HEG1: variants seen among roughly 807,000 people sequenced by gnomAD.
HEG1 encodes protein HEG homolog 1.
Under a neutral mutation model 125.6 loss-of-function variants are expected in HEG1, and 56 were observed. The ratio of observed to expected loss-of-function variants is 0.45; its 90% CI spans 0.36 to 0.56. HEG1 has a LOEUF of 0.56. Ranked by LOEUF, HEG1 falls within the 20% of genes least tolerant of loss-of-function variation. The pLI is 0.00. For missense variants in HEG1, 1,523 were observed against 1,670.0 expected (o/e 0.91, Z 1.53); for synonymous variants, 644 against 668.5 (o/e 0.96, Z 0.57).
chr3:125,046,398 TACACAC>T (rs10522507), intron 1 of HEG1, among the ~76,000 whole-genome samples: 18,343 of 141,468 alleles, frequency 0.13, 1,257 homozygotes, highest in Non-Finnish European at 0.15. Context: ...TATATACACA[TACACAC>T]ACACACACAC....
Position 125,020,998 on chromosome 3 carries a change from C to T in HEG1, c.1046G>A (p.Ser349Asn), listed in dbSNP as rs2107704091. ...GPRTLRSLTV[S>N]LGPVSKTEGF... is the part of the protein sequence containing the mutation. ...TTCTGTCTTGCTCACAGGTCCCAGA[C>T]TGACCGTCAAAGATCGCAGCGTTCT... is the stretch of plus-strand genomic sequence containing the variant. The change falls in exon 4 of 17, where the codon AGT becomes AAT. Residue 349 changes from serine (S) to asparagine (N), a missense_variant. Physicochemically the swap from Ser to Asn is conservative, Grantham distance 46. Coordinates refer to ENST00000311127, the MANE Select transcript of HEG1 (RefSeq NM_020733.2). The T allele has an allele frequency of 6.2e-7, 1 of 1,613,944 alleles. No homozygotes were observed. The highest frequency in any genetic ancestry group is 8.5e-7 in the Non-Finnish European group (1 of 1,179,880).
chr3:125,009,684 G>A (rs538020061), intron 8 of HEG1, 21 bp downstream of exon 8: 14 of 1,602,044 alleles, frequency 8.7e-6, no homozygotes, highest in Middle Eastern at 1.7e-4. Flanking sequence ...AATAAAGTCC[G>A]AAATAGACTA....
At chr3:124,996,330 C>G (rs35918258) in intron 12 of HEG1, among the ~76,000 whole-genome samples, 1 of 152,000 alleles carries the variant, frequency 6.6e-6, no homozygotes, top group South Asian at 2.1e-4. Context: ...GTGATCTGCC[C>G]GCCTCGGCCT....
chr3:125,053,208 T>C (rs919918278), intron 1 of HEG1, among the ~76,000 whole-genome samples: 5 of 152,212 alleles, frequency 3.3e-5, no homozygotes, highest in African/African-American at 1.2e-4. Flanking sequence ...CTGGAGGACC[T>C]GTGGAGGCCC....
chr3:125,009,876 C>G, intron 7 of HEG1, 52 bp from the exon 8 acceptor site: 1 of 1,560,590 alleles, frequency 6.4e-7, no homozygotes, highest in South Asian at 1.2e-5. Flanking sequence ...AACAGCAAAA[C>G]CATAACCCAG....
chr3:124,973,578 G>A (rs1936483206), intron 16 of HEG1, among the ~76,000 whole-genome samples, 153 bp downstream of exon 16: 1 of 152,174 alleles, frequency 6.6e-6, no homozygotes, highest in Non-Finnish European at 1.5e-5. Flanking sequence ...CATGCAAATA[G>A]ACTGTAGGTA....
intron 16 of HEG1, among the ~76,000 whole-genome samples, chr3:124,972,599 A>G (rs1457484928): frequency 6.6e-6 from 1 of 152,214 alleles, no homozygotes; most frequent in South Asian, 2.1e-4. Flanking sequence ...TTCTGTCACA[A>G]GATTGTCTAA....
intron 15 of HEG1, among the ~76,000 whole-genome samples, chr3:124,975,634 C>T (rs7620483): frequency 1.3e-5 from 2 of 152,012 alleles, no homozygotes; most frequent in Admixed American, 6.6e-5. Flanking sequence ...GTTTCATCAC[C>T]CCAAGAAGAA....
intron 11 of HEG1, among the ~76,000 whole-genome samples, chr3:125,001,270 AAGG>A (rs1936994898): frequency 1.3e-5 from 2 of 151,558 alleles, no homozygotes; most frequent in Admixed American, 1.3e-4. Flanking sequence ...TATCATGATG[AAGG>A]TTTTGGTGGT....
chr3:125,015,127 G>T (rs903195652), intron 5 of HEG1: 2 of 608,106 alleles, frequency 3.3e-6, no homozygotes, highest in Non-Finnish European at 4.7e-6. Context: ...GTACTTTTAG[G>T]GTCTTTATCT....
At chr3:125,047,483 G>T (rs1261951978) in intron 1 of HEG1, among the ~76,000 whole-genome samples, 1 of 152,200 alleles carries the variant, frequency 6.6e-6, no homozygotes, top group Non-Finnish European at 1.5e-5. Context: ...AAGTGGCACT[G>T]CTAGGGTTTG....
At chr3:125,014,761 C>T (rs948854345) in intron 5 of HEG1, 6 of 1,288,314 alleles carry the variant, frequency 4.7e-6, no homozygotes, top group East Asian at 5.5e-5. Flanking sequence ...AGGCCCATGT[C>T]GTCCGTCACG....
rs190282002 is a variant in HEG1 at position 125,052,237 on chromosome 3, C to A, written c.316+3338G>T. On this transcript the variant is annotated intron_variant, in intron 1 of 16. Coordinates refer to ENST00000311127, the MANE Select transcript of HEG1 (RefSeq NM_020733.2). ...CAAGCCTCCGCCAGGAGTGAGGTAG[C>A]CGCCTTCTGGAGGGAAGCCACTCTC... Among the ~76,000 whole-genome samples, 36 of 151,476 alleles carry A rather than the reference C, an allele frequency of 2.4e-4. No individual in the cohort carries two copies. In the East Asian group the frequency reaches 6.9e-3, roughly 29 times the overall value.
At chr3:125,053,242 C>T (rs1937854497) in intron 1 of HEG1, among the ~76,000 whole-genome samples, 1 of 152,214 alleles carries the variant, frequency 6.6e-6, no homozygotes, top group Admixed American at 6.5e-5. Flanking sequence ...ACCTTGCTGC[C>T]TTGTGAAATG....
intron 8 of HEG1, among the ~76,000 whole-genome samples, chr3:125,007,695 G>T (rs1033248962): frequency 6.6e-6 from 1 of 152,176 alleles, no homozygotes; most frequent in East Asian, 1.9e-4. Flanking sequence ...TTTTACAGAT[G>T]AGGAAATATA....
chr3:124,971,567 T>C (rs973996312), intron 16 of HEG1, among the ~76,000 whole-genome samples: 2 of 151,946 alleles, frequency 1.3e-5, no homozygotes, highest in Non-Finnish European at 2.9e-5. Context: ...TCTCGGCTCA[T>C]TGCAACCCCT....
At chr3:125,010,235 C>T (rs1937137238) in intron 7 of HEG1, among the ~76,000 whole-genome samples, 2 of 152,182 alleles carry the variant, frequency 1.3e-5, no homozygotes, top group Non-Finnish European at 2.9e-5. Flanking sequence ...TGGGAACAGA[C>T]ACAGATCAGG....
intron 14 of HEG1, among the ~76,000 whole-genome samples, chr3:124,987,952 C>CACACACACACACATATATATATAT: frequency 7.3e-5 from 4 of 54,698 alleles, no homozygotes; most frequent in Non-Finnish European, 1.8e-4. Flanking sequence ...CACACACACA[C>CACACACACACACATATATATATAT]ATATATATAT....
At chr3:125,041,560 A>G (rs1270198175) in intron 1 of HEG1, among the ~76,000 whole-genome samples, 1 of 152,216 alleles carries the variant, frequency 6.6e-6, no homozygotes, top group Admixed American at 6.5e-5. Context: ...TCAAAACCTT[A>G]AGAGTTATGA....
Sources: gnomAD v4.1 joint callset for allele counts (sites outside exome capture counted in the v4.1 genomes callset) on GRCh38, gnomAD v4.1.1 for gene constraint, MANE v1.5 for transcripts, NCBI Gene and HGNC (gene_info 2026-07-23, HGNC 2026-07-21) for gene names.